NUB1: variants seen among roughly 807,000 people sequenced by gnomAD.
NUB1 encodes the protein NEDD8 ultimate buster 1.
In NUB1, 41 loss-of-function variants were observed where a neutral mutation model predicts 77.1. That is an observed-to-expected ratio of 0.53 (90% confidence interval 0.41 to 0.69). The LOEUF (loss-of-function observed/expected upper bound fraction) is 0.69. Ranked by LOEUF, NUB1 falls within the 30% of genes least tolerant of loss-of-function variation. The pLI is 0.00. For missense variants in NUB1, 643 were observed against 743.8 expected, an observed-to-expected ratio of 0.86 and a Z score of 1.58; for synonymous variants, 257 against 281.0, an observed-to-expected ratio of 0.91 and a Z score of 0.85.
chr7:151,374,144 C>T lies in NUB1; in HGVS notation c.1296C>T (p.Arg432=), dbSNP rs1396768880. The T allele has an allele frequency of 6.3e-7, 1 of 1,574,812 alleles. No homozygotes were observed. Among genetic ancestry groups the T allele is most frequent in the East Asian group, 2.4e-5 (1 of 42,390 alleles). ...RKEEKEKKRR[R]LENIRFLKGM... is the part of the protein sequence containing the mutation. ...AGGAAAAAGAGAAGAAAAGACGCCG[C>T]CTCGAGAACATCAGGTTTCTGAAAG... The change falls in exon 12 of 15, where the codon CGC becomes CGT. Residue 432 remains arginine, a synonymous_variant. Transcript: ENST00000568733.
intron 7 of NUB1, among the ~76,000 whole-genome samples, chr7:151,358,727 T>G (rs545367337): frequency 8.5e-5 from 13 of 152,294 alleles, no homozygotes; most frequent in African/African-American, 3.1e-4. Flanking sequence ...ACATTTAAAT[T>G]GAAAAATCTA....
At chr7:151,354,356 A>G (rs1282833168) in intron 5 of NUB1, among the ~76,000 whole-genome samples, 1 of 142,672 alleles carries the variant, frequency 7.0e-6, no homozygotes, top group Non-Finnish European at 1.5e-5. Context: ...TGGCTTAACC[A>G]CTGGTGGACC....
In NUB1 at chr7:151,372,052, G is replaced by T. The variant is rs534886625; in HGVS notation, c.1249-2045G>T. On this transcript the variant is annotated intron_variant, in intron 11 of 14. Coordinates refer to ENST00000568733, the MANE Select transcript of NUB1 (RefSeq NM_001243351.2). ...AAGTTTATATTTTTTGTGCAATATG[G>T]CCCTGAGTACAGACCAGTTTCTCAT... 1.2e-4 allele frequency among the ~76,000 whole-genome samples: 18 copies of T among 152,220 alleles called. No homozygotes were observed. In the South Asian group the frequency reaches 3.7e-3, roughly 32 times the overall value.
intron 7 of NUB1, among the ~76,000 whole-genome samples, chr7:151,357,183 AT>A (rs59119243): frequency 2.2e-4 from 30 of 134,416 alleles, no homozygotes; most frequent in Middle Eastern, 3.9e-3. Context: ...TGTCCAGCTA[AT>A]TTTTTTTTTT....
rs748245389 is a variant in NUB1, at chr7:151,368,760, A to C, written c.1121A>C (p.Tyr374Ser). ...NKARQLFKEL[Y>S]IDPSKVDNLL... ...GCACGTCAGCTCTTTAAAGAGCTAT[A>C]TATTGATCCATCAAAAGTGGACAAT... is the stretch of plus-strand genomic sequence containing the variant. Residue 374 changes from tyrosine (Y) to serine (S), a missense_variant, in exon 11 of 15, where the codon TAT becomes TCT. Tyr to Ser is a moderately radical substitution (Grantham distance 144). Coordinates refer to ENST00000568733, the MANE Select transcript of NUB1 (RefSeq NM_001243351.2). The C allele has an allele frequency of 2.5e-6, 4 of 1,613,830 alleles. No homozygotes were observed. The highest frequency in any genetic ancestry group is 1.7e-5 in the Admixed American group (1 of 59,982).
Position 151,378,107 on chromosome 7 carries a change from C to T in NUB1, c.*882C>T, listed in dbSNP as rs549261670. 6.6e-6 allele frequency: 1 copy of T among 152,316 alleles called. No homozygotes were observed. The highest frequency in any genetic ancestry group is 1.9e-4 in the East Asian group (1 of 5,188). The allele number at this position is 152,316 out of a possible 1,614,324, so 9.4% of individuals were successfully genotyped here. The stretch of plus-strand genomic sequence containing the variant: ...TTGTTCTAGCCATGTGACAGAGGCT[C>T]TTTCTAAAAGTATGTAGTTCGCTGT... On this transcript the variant is annotated 3_prime_UTR_variant, in exon 15 of 15. Coordinates refer to ENST00000568733, the MANE Select transcript of NUB1 (RefSeq NM_001243351.2).
intron 8 of NUB1, among the ~76,000 whole-genome samples, chr7:151,365,262 G>A (rs405281): frequency 0.34 from 51,996 of 150,998 alleles, 9,831 homozygotes; most frequent in East Asian, 0.44. Flanking sequence ...TCTAATATGA[G>A]ACCTCTGCTT....
In NUB1 at chr7:151,377,175, G is replaced by C; in HGVS notation, c.1798G>C (p.Glu600Gln). 1 of 1,590,448 alleles carries C rather than the reference G, an allele frequency of 6.3e-7. No homozygotes were observed. The highest frequency in any genetic ancestry group is 8.6e-7 in the Non-Finnish European group (1 of 1,166,958). ...TLEDEEIIIA[E>Q]YLSYVENRKS... ...GGAAGATGAAGAAATTATTATTGCA[G>C]AGTACCTATCCTATGTAGAAAATAG... is the stretch of plus-strand genomic sequence containing the variant. The change falls in exon 15 of 15, where the codon GAG (glutamate) becomes CAG (glutamine). Residue 600 changes from glutamate (E) to glutamine (Q), a missense_variant. Transcript: ENST00000568733.
intron 8 of NUB1, among the ~76,000 whole-genome samples, chr7:151,362,560 C>T (rs1259585278): frequency 6.6e-6 from 1 of 152,154 alleles, no homozygotes; most frequent in Admixed American, 6.5e-5. Flanking sequence ...CAGTGCAGAA[C>T]GGTGACCCTG....
chr7:151,359,242 TC>T (rs1309756393), intron 7 of NUB1, among the ~76,000 whole-genome samples: 101 of 136,654 alleles, frequency 7.4e-4, no homozygotes, highest in African/African-American at 2.7e-3. Flanking sequence ...ATCGAGACCA[TC>T]CTGGCTAACA....
intron 4 of NUB1, chr7:151,352,031 G>T: frequency 2.2e-6 from 1 of 454,190 alleles, no homozygotes; most frequent in South Asian, 1.6e-5. Flanking sequence ...CACCTCCAGG[G>T]CTAGCTAGCG....
chr7:151,373,123 C>T (rs992218392), intron 11 of NUB1, among the ~76,000 whole-genome samples: 6 of 152,148 alleles, frequency 3.9e-5, no homozygotes, highest in Non-Finnish European at 8.8e-5. Flanking sequence ...CTGGGCTGGG[C>T]AGGAGGCAGG....
chr7:151,372,385 C>T (rs1487775403), intron 11 of NUB1, among the ~76,000 whole-genome samples: 2 of 152,182 alleles, frequency 1.3e-5, no homozygotes, highest in Non-Finnish European at 2.9e-5. Flanking sequence ...AAGTATTCTT[C>T]GAAGCTCCCA....
chr7:151,352,767 T>G, intron 4 of NUB1, 45 bp from the exon 5 acceptor site: 1 of 1,237,280 alleles, frequency 8.1e-7, no homozygotes, highest in South Asian at 1.2e-5. Flanking sequence ...GGATAATAAA[T>G]CGCAATTTTG....
chr7:151,347,347 T>C (rs1796547215), intron 2 of NUB1, among the ~76,000 whole-genome samples: 1 of 152,028 alleles, frequency 6.6e-6, no homozygotes, highest in Non-Finnish European at 1.5e-5. Flanking sequence ...GACTGTAGTA[T>C]GCTATGGTCC....
chr7:151,344,626 T>G (rs1796392737), intron 1 of NUB1, among the ~76,000 whole-genome samples: 1 of 151,994 alleles, frequency 6.6e-6, no homozygotes, highest in Non-Finnish European at 1.5e-5. Context: ...CGAAAATATT[T>G]ATTATCGATA....
chr7:151,367,885 C>G lies in NUB1; in HGVS notation c.1012C>G (p.Leu338Val). ...IKGNCGKEKVLFLRLYLLQGI... is the reference protein window; with the variant it reads ...IKGNCGKEKVVFLRLYLLQGI... Reference sequence around the variant, plus strand: ...GGGAAATTGTGGGAAAGAGAAGGTACTGTTTCTAAGACTCTACTTACTTCA... The same window carrying G: ...GGGAAATTGTGGGAAAGAGAAGGTAGTGTTTCTAAGACTCTACTTACTTCA... The change falls in exon 10 of 15, where the codon CTG (leucine) becomes GTG (valine). Residue 338 changes from leucine to valine, a missense_variant. Physicochemically the swap from Leu to Val is conservative, Grantham distance 32. Transcript: ENST00000568733. 6.3e-7 allele frequency: 1 copy of G among 1,598,686 alleles called. No individual in the cohort carries two copies. Among genetic ancestry groups the G allele is most frequent in the Non-Finnish European group, 8.5e-7 (1 of 1,171,382 alleles).
chr7:151,343,853 T>A (rs2150654723), intron 1 of NUB1, among the ~76,000 whole-genome samples: 1 of 152,144 alleles, frequency 6.6e-6, no homozygotes, highest in South Asian at 2.1e-4. Context: ...GGGCCCTAAT[T>A]TTCTCAGCTG....
In NUB1 at chr7:151,367,134, C is replaced by G; in HGVS notation, c.987+9C>G. 1 of 1,604,926 alleles carries G rather than the reference C, an allele frequency of 6.2e-7. No homozygotes were observed. The highest frequency in any genetic ancestry group is 1.1e-5 in the South Asian group (1 of 90,386). On this transcript the variant is annotated intron_variant, in intron 9 of 14. Coordinates refer to ENST00000568733, the MANE Select transcript of NUB1 (RefSeq NM_001243351.2). The stretch of plus-strand genomic sequence containing the variant: ...GACTGGTCCACATAAAAGTATGTTC[C>G]TGGAATTCATCTTATGTCTCGTTGA...
Sources: gnomAD v4.1 joint callset for allele counts (sites outside exome capture counted in the v4.1 genomes callset) on GRCh38, gnomAD v4.1.1 for gene constraint, MANE v1.5 for transcripts, NCBI Gene and HGNC (gene_info 2026-07-23, HGNC 2026-07-21) for gene names.